Variants in BYSL observed in about 807,000 individuals in gnomAD.
BYSL encodes bystin.
A neutral mutation model predicts 45.4 loss-of-function variants in BYSL; 21 were observed. The ratio of observed to expected loss-of-function variants is 0.46; its 90% CI spans 0.33 to 0.67. The LOEUF is 0.67. Ranked by LOEUF, BYSL falls within the 30% of genes least tolerant of loss-of-function variation. The pLI, the probability that BYSL is intolerant of heterozygous loss-of-function variation, is 0.02. For synonymous variants in BYSL, 215 were observed against 231.3 expected (o/e 0.93, Z 0.64); for missense variants, 522 against 578.5 (o/e 0.90, Z 1.00).
upstream of BYSL, among the ~76,000 whole-genome samples, chr6:41,920,415 ACCCTGTCT>A (rs1296419555): frequency 1.3e-5 from 2 of 152,168 alleles, no homozygotes; most frequent in African/African-American, 2.4e-5. Flanking sequence ...ACTCCCTCCA[ACCCTGTCT>A]GCAGGTGGGT....
At chr6:41,924,501 A>G (rs1031450296) in intron 1 of BYSL, among the ~76,000 whole-genome samples, 1 of 152,358 alleles carries the variant, frequency 6.6e-6, no homozygotes, top group East Asian at 1.9e-4. Flanking sequence ...TGTAAGCTGT[A>G]TAGAACAAAG....
At chr6:41,924,146 C>A (rs1259910236) in intron 1 of BYSL, among the ~76,000 whole-genome samples, 1 of 151,862 alleles carries the variant, frequency 6.6e-6, no homozygotes, top group Non-Finnish European at 1.5e-5. Flanking sequence ...CTGCAACCTC[C>A]ACCTCCCGGG....
At chr6:41,920,924 G>C, upstream of BYSL, 1 of 1,547,800 alleles carries the variant, frequency 6.5e-7, no homozygotes, top group Non-Finnish European at 8.8e-7. Context: ...GCTCCCAGAG[G>C]ACGGCGGACC....
Position 41,931,521 on chromosome 6 carries a change from A to G in BYSL, c.830A>G (p.Lys277Arg), listed in dbSNP as rs148368855. The change falls in exon 5 of 7, where the codon AAG becomes AGG. Residue 277 changes from lysine to arginine, a missense_variant. Physicochemically the swap from Lys to Arg is conservative, Grantham distance 26. Coordinates refer to ENST00000230340, the MANE Select transcript of BYSL (RefSeq NM_004053.4). Reference sequence around the variant, plus strand: ...AACTTCCATCTCTACATGGCTCTCAAGAAGGCCCTTTTCAAACCTGGAGCC... The same window carrying G: ...AACTTCCATCTCTACATGGCTCTCAGGAAGGCCCTTTTCAAACCTGGAGCC... ...RLNFHLYMAL[K>R]KALFKPGAWF... 3.7e-6 allele frequency: 6 copies of G among 1,614,090 alleles called. No individual in the cohort carries two copies. The Admixed American group carries it at 5.0e-5, about 13-fold the overall frequency.
rs1440621034 is a variant in BYSL at position 41,931,757 on chromosome 6, A to G, written c.895A>G (p.Thr299Ala). Residue 299 changes from threonine to alanine, a missense_variant, in exon 6 of 7, where the codon ACT becomes GCT. Thr to Ala is a moderately conservative substitution (Grantham distance 58). Coordinates refer to ENST00000230340, the MANE Select transcript of BYSL (RefSeq NM_004053.4). ...GILIPLCESG[T>A]CTLREAIIVG... is the part of the protein sequence containing the mutation. Reference sequence around the variant, plus strand: ...CCTGATTCCACTGTGCGAGTCTGGCACTTGTACCCTCCGGGAAGCCATCAT... The same window carrying G: ...CCTGATTCCACTGTGCGAGTCTGGCGCTTGTACCCTCCGGGAAGCCATCAT... 1 of 1,614,022 alleles carries G rather than the reference A, an allele frequency of 6.2e-7. No individual in the cohort carries two copies. Among genetic ancestry groups the G allele is most frequent in the African/African-American group, 1.3e-5 (1 of 74,980 alleles).
chr6:41,921,052 G>A (rs937567426), upstream of BYSL: 5 of 1,609,342 alleles, frequency 3.1e-6, no homozygotes, highest in Non-Finnish European at 4.2e-6. Context: ...GAATCACACA[G>A]TAGAAACGCA....
At chr6:41,909,941 T>G in the BYSL span, among the ~76,000 whole-genome samples, 1 of 152,176 alleles carries the variant, frequency 6.6e-6, no homozygotes, top group Non-Finnish European at 1.5e-5. Context: ...AGGAAGTAGC[T>G]GCTCCCTTCT....
intron 1 of BYSL, among the ~76,000 whole-genome samples, chr6:41,924,172 TGCCTCA>T (rs1400277706): frequency 6.6e-6 from 1 of 151,822 alleles, no homozygotes; most frequent in African/African-American, 2.4e-5. Context: ...GCGATTCTCC[TGCCTCA>T]GCCTCCCAAG....
upstream of BYSL, among the ~76,000 whole-genome samples, chr6:41,919,734 T>C (rs1775410348): frequency 6.6e-6 from 1 of 152,110 alleles, no homozygotes; most frequent in South Asian, 2.1e-4. Context: ...ATTCAAGACC[T>C]GCATGTACAA....
chr6:41,930,836 T>G, intron 4 of BYSL, 68 bp downstream of exon 4: 1 of 1,537,572 alleles, frequency 6.5e-7, no homozygotes, highest in Non-Finnish European at 8.7e-7. Context: ...CGGACAGGCT[T>G]TCCTTGCCTC....
chr6:41,927,853 C>G (rs895999213), intron 2 of BYSL, among the ~76,000 whole-genome samples: 5 of 152,112 alleles, frequency 3.3e-5, no homozygotes, highest in African/African-American at 9.7e-5. Context: ...GTTTTTTTAG[C>G]GGTAAGCTCA....
chr6:41,919,559 A>C (rs1412408599), upstream of BYSL, among the ~76,000 whole-genome samples: 1 of 152,208 alleles, frequency 6.6e-6, no homozygotes, highest in East Asian at 1.9e-4. Flanking sequence ...TACAAGTGAC[A>C]GAAGTCCTAG....
At chr6:41,916,807 G>A (rs748931812), upstream of BYSL, 22 of 1,613,876 alleles carry the variant, frequency 1.4e-5, no homozygotes, top group African/African-American at 2.7e-5. Flanking sequence ...GGGTAGAGGC[G>A]GCCGTATGGT....
In BYSL at chr6:41,932,493, C is replaced by G. The variant is rs763358728; in HGVS notation, c.1101C>G (p.Phe367Leu). 7 of 1,614,210 alleles carry G rather than the reference C, an allele frequency of 4.3e-6. No individual in the cohort carries two copies. The Admixed American group carries it at 1.2e-4, about 27-fold the overall frequency. ...CCCTAGTCTTCCACTTCCTGGGGTTCCGGACAGAGAAGCGTGAACTGCCTG... is the reference window on the plus strand; with the variant it reads ...CCCTAGTCTTCCACTTCCTGGGGTTGCGGACAGAGAAGCGTGAACTGCCTG... ...LDALVFHFLG[F>L]RTEKRELPVL... The change falls in exon 7 of 7, where the codon TTC (phenylalanine) becomes TTG (leucine). Residue 367 changes from phenylalanine to leucine, a missense_variant. By Grantham distance (22) the Phe-to-Leu change is conservative. Coordinates refer to ENST00000230340, the MANE Select transcript of BYSL (RefSeq NM_004053.4). This position sits in a 1 kb window ranked among gnomAD's most constrained non-coding sequence, Gnocchi z 4.7.
At chr6:41,912,143 A>G in the BYSL span, among the ~76,000 whole-genome samples, 1 of 148,180 alleles carries the variant, frequency 6.7e-6, no homozygotes, top group South Asian at 2.1e-4. Flanking sequence ...CAACCTCCTG[A>G]GCCCAAGCAA....
At position 41,921,718 on chromosome 6, in the gene BYSL, C is replaced by A. The variant is rs755907731; in HGVS notation, c.156C>A (p.Pro52=). 1 of 1,613,326 alleles carries A rather than the reference C, an allele frequency of 6.2e-7. No individual in the cohort carries two copies. Among genetic ancestry groups the A allele is most frequent in the Non-Finnish European group, 8.5e-7 (1 of 1,179,856 alleles). The stretch of plus-strand genomic sequence containing the variant: ...AAGCGGAGGAAGAGTATGTGGGGCC[C>A]CGGCTGAGCCGACGGATTTTGCAGC... ...TGEAEEEYVG[P]RLSRRILQQA... Residue 52 remains proline, a synonymous_variant, in exon 1 of 7, where the codon CCC becomes CCA. Coordinates refer to ENST00000230340, the MANE Select transcript of BYSL (RefSeq NM_004053.4).
rs1330396026 is a variant in BYSL at position 41,930,128 on chromosome 6, T to G, written c.432-4T>G. ...TCCCCTCCTCTTGGCACTTCCCCTC[T>G]TAGGCGCACCCTGGCTGACATCATC... is the stretch of plus-strand genomic sequence containing the variant. On this transcript the variant is annotated splice_polypyrimidine_tract_variant and splice_region_variant and intron_variant, in intron 2 of 6. Coordinates refer to ENST00000230340, the MANE Select transcript of BYSL (RefSeq NM_004053.4). The G allele has an allele frequency of 6.2e-7, 1 of 1,613,984 alleles. No homozygotes were observed. The highest frequency in any genetic ancestry group is 8.5e-7 in the Non-Finnish European group (1 of 1,179,990).
upstream of BYSL, chr6:41,921,022 G>T: frequency 6.2e-7 from 1 of 1,612,738 alleles, no homozygotes; most frequent in Non-Finnish European, 8.5e-7. Context: ...CTCCCATGGC[G>T]TCGGGCCAGG....
Position 41,921,703 on chromosome 6 carries a change from A to G in BYSL, c.141A>G (p.Glu47=). ...RRGRGTGEAE[E]EYVGPRLSRR... is the part of the protein sequence containing the mutation. ...GTCGCGGGACAGGAGAAGCGGAGGA[A>G]GAGTATGTGGGGCCCCGGCTGAGCC... Residue 47 remains glutamate, a synonymous_variant, in exon 1 of 7, where the codon GAA becomes GAG. Coordinates refer to ENST00000230340, the MANE Select transcript of BYSL (RefSeq NM_004053.4). The G allele has an allele frequency of 6.2e-7, 1 of 1,613,196 alleles. No homozygotes were observed. Among genetic ancestry groups the G allele is most frequent in the Non-Finnish European group, 8.5e-7 (1 of 1,179,710 alleles).
Sources: gnomAD v4.1 joint callset for allele counts (sites outside exome capture counted in the v4.1 genomes callset) on GRCh38, gnomAD v4.1.1 for gene constraint, Gnocchi (gnomAD v3.1) non-coding constraint, MANE v1.5 for transcripts, NCBI Gene and HGNC (gene_info 2026-07-23, HGNC 2026-07-21) for gene names.